The following CNTLN variants were observed in gnomAD, a reference collection of about 807,000 sequenced individuals.
CNTLN encodes centlein, also known as centlein, centrosomal protein.
Under a neutral mutation model 180.0 loss-of-function variants are expected in CNTLN, and 212 were observed. The ratio of observed to expected loss-of-function variants is 1.18; its 90% CI spans 1.05 to 1.32. The LOEUF (loss-of-function observed/expected upper bound fraction) is 1.32, where lower values mean the gene tolerates loss of function less well. CNTLN is among the 40% of genes most tolerant of loss of function. CNTLN has a pLI of 0.00. For synonymous variants in CNTLN, 722 were observed against 563.1 expected (o/e 1.28, Z -3.99); for missense variants, 2,095 against 1,610.9 (o/e 1.30, Z -5.14).
chr9:17,497,879 C>T (rs1256640531), intron 25 of CNTLN, among the ~76,000 whole-genome samples: 1 of 152,052 alleles, frequency 6.6e-6, no homozygotes, highest in African/African-American at 2.4e-5. Flanking sequence ...TGTGTGTGTG[C>T]TTGTATGTAT....
intron 2 of CNTLN, among the ~76,000 whole-genome samples, chr9:17,196,636 T>A (rs1002213958): frequency 4.0e-5 from 6 of 151,288 alleles, no homozygotes; most frequent in South Asian, 2.1e-4. Context: ...TTAAGATTTT[T>A]AAATTTAAAT....
intron 5 of CNTLN, among the ~76,000 whole-genome samples, chr9:17,251,084 C>G (rs561229010): frequency 6.6e-6 from 1 of 152,034 alleles, no homozygotes; most frequent in African/African-American, 2.4e-5. Context: ...TGCCTCTGTA[C>G]TTCATGGTTT....
chr9:17,440,354 A>ACC (rs1830031091), intron 18 of CNTLN, among the ~76,000 whole-genome samples: 1 of 150,608 alleles, frequency 6.6e-6, no homozygotes. Context: ...CGGGTGGATC[A>ACC]TGAGGTCAGG....
chr9:17,395,112 C>T, intron 15 of CNTLN, 43 bp downstream of exon 15: 2 of 1,534,686 alleles, frequency 1.3e-6, no homozygotes, highest in Non-Finnish European at 1.8e-6. Flanking sequence ...GGACACTGCG[C>T]ATATGTAAAG....
At chr9:17,338,759 A>G (rs954556462) in intron 10 of CNTLN, among the ~76,000 whole-genome samples, 3 of 152,156 alleles carry the variant, frequency 2.0e-5, no homozygotes, top group African/African-American at 4.8e-5. Flanking sequence ...ATTATTCTCT[A>G]TGTCTTAGAA....
intron 6 of CNTLN, among the ~76,000 whole-genome samples, chr9:17,293,678 C>G (rs1195508613): frequency 6.6e-6 from 1 of 152,220 alleles, no homozygotes; most frequent in Non-Finnish European, 1.5e-5. Flanking sequence ...GCTGCCACCC[C>G]TTGCCCCTAC....
intron 5 of CNTLN, among the ~76,000 whole-genome samples, chr9:17,266,047 G>T (rs989038571): frequency 1.3e-5 from 2 of 151,988 alleles, no homozygotes; most frequent in South Asian, 4.2e-4. Context: ...CTTCAGTTCT[G>T]CTCTGATGTT....
Position 17,182,814 on chromosome 9 carries a change from G to C in CNTLN, c.449+39438G>C, listed in dbSNP as rs1821201935. Among the ~76,000 whole-genome samples the C allele has an allele frequency of 5.3e-5, 8 of 152,304 alleles. No individual in the cohort carries two copies. In the South Asian group the frequency reaches 1.7e-3, roughly 32 times the overall value. On this transcript the variant is annotated intron_variant, in intron 2 of 25. Coordinates refer to ENST00000380647, the MANE Select transcript of CNTLN (RefSeq NM_017738.4). ...GCATTCCAGATAGCACATTGCTAGA[G>C]TTTTGGAGAGAAGAGAAAACTTATT...
chr9:17,209,633 G>A (rs1352912607), intron 2 of CNTLN, among the ~76,000 whole-genome samples: 1 of 152,138 alleles, frequency 6.6e-6, no homozygotes, highest in Non-Finnish European at 1.5e-5. Flanking sequence ...AATTGTTATA[G>A]CCTCTTGCCA....
intron 10 of CNTLN, among the ~76,000 whole-genome samples, chr9:17,334,158 C>G (rs890218237): frequency 4.3e-4 from 66 of 152,210 alleles, no homozygotes; most frequent in African/African-American, 1.4e-3. Context: ...CTCCCAGGTT[C>G]GAGCTATTCT....
downstream of CNTLN, among the ~76,000 whole-genome samples, chr9:17,506,415 C>G (rs1357850984): frequency 6.6e-6 from 1 of 152,104 alleles, no homozygotes; most frequent in Non-Finnish European, 1.5e-5. Context: ...ACAAGGCAGT[C>G]CTCTGTGAGT....
At chr9:17,465,884 G>A (rs1055582668) in intron 21 of CNTLN, 97 bp from the exon 22 acceptor site, 2 of 850,588 alleles carry the variant, frequency 2.4e-6, no homozygotes, top group Non-Finnish European at 3.6e-6. Flanking sequence ...ATAAATGGAA[G>A]TAGACTCATT....
chr9:17,306,862 T>C (rs1035288769), intron 7 of CNTLN, among the ~76,000 whole-genome samples: 73 of 152,206 alleles, frequency 4.8e-4, no homozygotes, highest in Non-Finnish European at 9.0e-4. Flanking sequence ...TAAATATTCA[T>C]TGAAAAAATG....
chr9:17,155,102 G>A (rs1819177019), intron 2 of CNTLN, among the ~76,000 whole-genome samples: 1 of 152,190 alleles, frequency 6.6e-6, no homozygotes, highest in African/African-American at 2.4e-5. Context: ...CACTCCTGAA[G>A]TCAGCAAGAC....
chr9:17,466,703 C>T lies in CNTLN; in HGVS notation c.3670-3C>T, dbSNP rs372101950. The stretch of plus-strand genomic sequence containing the variant: ...TTATTTTATGACTGCTGATCTTTTG[C>T]AGGATCTCAAGCTTACTCTCCTAGT... On this transcript the variant is annotated splice_polypyrimidine_tract_variant and splice_region_variant and intron_variant, in intron 22 of 25. Transcript: ENST00000380647. 23 of 1,603,082 alleles carry T rather than the reference C, an allele frequency of 1.4e-5. No individual in the cohort carries two copies. The highest frequency in any genetic ancestry group is 1.8e-5 in the Non-Finnish European group (21 of 1,174,618).
intron 18 of CNTLN, among the ~76,000 whole-genome samples, chr9:17,432,950 G>T (rs1454859609): frequency 2.0e-5 from 3 of 150,780 alleles, no homozygotes; most frequent in Admixed American, 2.0e-4. Flanking sequence ...GAGCCCAGGA[G>T]GCAGAGGTTG....
At chr9:17,523,538 A>G in the CNTLN span, among the ~76,000 whole-genome samples, 3 of 152,144 alleles carry the variant, frequency 2.0e-5, no homozygotes, top group Non-Finnish European at 4.4e-5. Context: ...TGCCCAGCCC[A>G]TGTATATTTC....
intron 6 of CNTLN, among the ~76,000 whole-genome samples, chr9:17,282,603 G>A (rs1178812288): frequency 6.6e-6 from 1 of 152,072 alleles, no homozygotes; most frequent in Non-Finnish European, 1.5e-5. Flanking sequence ...GATAGCATTT[G>A]TCCATTTTTG....
At chr9:17,310,754 C>G (rs1465080773) in intron 8 of CNTLN, among the ~76,000 whole-genome samples, 2 of 152,140 alleles carry the variant, frequency 1.3e-5, no homozygotes. Context: ...CTTCTTAATT[C>G]ATTACCAATT....
Sources: allele counts gnomAD v4.1 joint callset (sites outside exome capture counted in the v4.1 genomes callset), GRCh38; gene constraint gnomAD v4.1.1; transcripts MANE v1.5; gene names NCBI Gene and HGNC (gene_info 2026-07-23, HGNC 2026-07-21).